The following ANK3 variants were observed in gnomAD, a reference collection of about 807,000 sequenced individuals.
ANK3 encodes ankyrin-3.
Under a neutral mutation model 370.9 loss-of-function variants are expected in ANK3, and 57 were observed. The observed-to-expected ratio is 0.15, with a 90% CI of 0.12 to 0.19. ANK3 has a LOEUF of 0.19. ANK3 is among the 10% of genes least tolerant of loss of function. The probability of loss-of-function intolerance (pLI) is 1.00; values close to 1 mark genes in which losing one functional copy is unlikely to be tolerated. For missense variants in ANK3, 4,439 were observed against 5,302.1 expected, an observed-to-expected ratio of 0.84 and a Z score of 5.06; for synonymous variants, 1,929 against 1,946.3, an observed-to-expected ratio of 0.99 and a Z score of 0.23.
chr10:60,256,683 C>A (rs1186754875), intron 7 of ANK3, among the ~76,000 whole-genome samples: 3 of 152,062 alleles, frequency 2.0e-5, no homozygotes, highest in African/African-American at 4.8e-5. Context: ...CCATGAGTAC[C>A]CCACATTTAG....
At chr10:60,059,754 G>C (rs1399689030) in intron 40 of ANK3, 2 of 1,613,976 alleles carry the variant, frequency 1.2e-6, no homozygotes, top group Admixed American at 3.3e-5. Context: ...AGGCATTTCT[G>C]TTAAAGGCAC....
At position 60,695,259 on chromosome 10, in the gene ANK3, G is replaced by A. The variant is rs559135482; in HGVS notation, c.57+38004C>T. On this transcript the variant is annotated intron_variant, in intron 1 of 43. Coordinates refer to the ANK3 transcript ENST00000373827. ...CACCCAGATTCATAAAGCAAGCCCTGAGTGACCTACAAAGAGACTTAGACT... is the reference window on the plus strand; with the variant it reads ...CACCCAGATTCATAAAGCAAGCCCTAAGTGACCTACAAAGAGACTTAGACT... 2.6e-5 allele frequency among the ~76,000 whole-genome samples: 4 copies of A among 152,036 alleles called. No individual in the cohort carries two copies. The South Asian group carries it at 6.2e-4, about 24-fold the overall frequency.
chr10:60,500,995 C>T (rs915054429), intron 2 of ANK3, among the ~76,000 whole-genome samples: 2 of 152,062 alleles, frequency 1.3e-5, no homozygotes, highest in African/African-American at 2.4e-5. Context: ...TTCTGCCTTC[C>T]AAGTCCTTAT....
At chr10:60,209,624 A>G (rs950343526) in intron 9 of ANK3, among the ~76,000 whole-genome samples, 1 of 152,308 alleles carries the variant, frequency 6.6e-6, no homozygotes, top group African/African-American at 2.4e-5. Context: ...AATTTCCCTC[A>G]AATATTTTAA....
chr10:60,034,037 T>C (rs7906905), intron 43 of ANK3, among the ~76,000 whole-genome samples: 85,483 of 151,042 alleles, frequency 0.57, 24,904 homozygotes, highest in Non-Finnish European at 0.64. Context: ...TCTTTGAGTA[T>C]AGATTCTGAT....
exon 1 of ANK3, chr10:60,733,386 G>T: frequency 8.3e-7 from 1 of 1,210,002 alleles, no homozygotes; most frequent in Non-Finnish European, 1.0e-6. Context: ...CGCTCCTCGG[G>T]CCTCCAAACG....
chr10:60,523,482 C>T (rs867566304), intron 2 of ANK3, among the ~76,000 whole-genome samples: 2 of 145,798 alleles, frequency 1.4e-5, no homozygotes, highest in South Asian at 4.4e-4. Context: ...TGAGTGAGAA[C>T]ATGCGGTGTT....
At chr10:60,033,375 T>G (rs1249594408) in intron 43 of ANK3, among the ~76,000 whole-genome samples, 3 of 151,450 alleles carry the variant, frequency 2.0e-5, no homozygotes, top group Non-Finnish European at 4.4e-5. Flanking sequence ...ATTGGCCGGG[T>G]GAGGTGGCAG....
At chr10:60,234,231 G>T (rs1484103901) in intron 8 of ANK3, among the ~76,000 whole-genome samples, 1 of 152,074 alleles carries the variant, frequency 6.6e-6, no homozygotes, top group African/African-American at 2.4e-5. Context: ...CAATTATTTT[G>T]GACATATACC....
intron 1 of ANK3, among the ~76,000 whole-genome samples, chr10:60,636,879 A>G (rs1240844634): frequency 6.6e-6 from 1 of 152,250 alleles, no homozygotes; most frequent in African/African-American, 2.4e-5. Flanking sequence ...AATGGTAAGC[A>G]GTTGAACTTT....
At chr10:60,503,079 T>C (rs2075846485) in intron 2 of ANK3, among the ~76,000 whole-genome samples, 1 of 152,182 alleles carries the variant, frequency 6.6e-6, no homozygotes, top group Non-Finnish European at 1.5e-5. Flanking sequence ...CATCCATTTA[T>C]ACTCTCATAC....
intron 28 of ANK3, among the ~76,000 whole-genome samples, chr10:60,105,251 A>G (rs996448103): frequency 1.3e-5 from 2 of 151,898 alleles, no homozygotes; most frequent in Non-Finnish European, 1.5e-5. Context: ...TGCGTCAAAC[A>G]CCTATTCTCA....
At chr10:60,091,755 G>A (rs547703693) in intron 28 of ANK3, among the ~76,000 whole-genome samples, 1 of 148,034 alleles carries the variant, frequency 6.8e-6, no homozygotes, top group South Asian at 2.1e-4. Context: ...TTTTTGAGAC[G>A]GAGTCTCGCT....
At chr10:60,722,198 G>C (rs2079873915) in intron 1 of ANK3, among the ~76,000 whole-genome samples, 1 of 151,984 alleles carries the variant, frequency 6.6e-6, no homozygotes, top group Non-Finnish European at 1.5e-5. Flanking sequence ...GGGCCGCAAA[G>C]AAATTTTAAT....
At position 60,074,104 on chromosome 10, in the gene ANK3, G is replaced by C; in HGVS notation, c.6777C>G (p.Gly2259=). The stretch of plus-strand genomic sequence containing the variant: ...CAATTCTTTCAGATGCACCTTCACC[G>C]CCTGGTGGAGAATGATAAACCATTC... ...TTRMVYHSPP[G]GEGASERIEE... Residue 2259 remains glycine, a synonymous_variant, in exon 37 of 44, where the codon GGC becomes GGG. Transcript: ENST00000280772. 2 of 1,613,930 alleles carry C rather than the reference G, an allele frequency of 1.2e-6. No homozygotes were observed. Among genetic ancestry groups the C allele is most frequent in the Non-Finnish European group, 1.7e-6 (2 of 1,179,944 alleles).
intron 1 of ANK3, among the ~76,000 whole-genome samples, chr10:60,668,992 CAA>C (rs113115246): frequency 7.0e-6 from 1 of 142,274 alleles, no homozygotes; most frequent in Admixed American, 7.0e-5. Context: ...GACTTCATCT[CAA>C]AAAAAAAAAA....
chr10:60,070,822 C>G lies in ANK3; in HGVS notation c.10059G>C (p.Lys3353Asn). 1 of 1,614,130 alleles carries G rather than the reference C, an allele frequency of 6.2e-7. No homozygotes were observed. The highest frequency in any genetic ancestry group is 8.5e-7 in the Non-Finnish European group (1 of 1,180,024). The stretch of plus-strand genomic sequence containing the variant: ...TTTCCAGTTCTTTCTGGTTGGAAGC[C>G]TTTTCAGCAGAAGCTTTGGGTTTTT... Reference protein sequence around the residue: ...QKEKPKASAEKASNQKELESN... With the variant: ...QKEKPKASAENASNQKELESN... The change falls in exon 37 of 44, where the codon AAG (lysine) becomes AAC (asparagine). Residue 3353 changes from lysine (K) to asparagine (N), a missense_variant. By Grantham distance (94) the Lys-to-Asn change is moderately conservative. Around this residue, in one of 13 missense-constraint regions of ANK3, gnomAD observed 1,601 missense variants for 1,731.7 expected, o/e 0.92. Coordinates refer to ENST00000280772, the MANE Select transcript of ANK3 (RefSeq NM_020987.5). The surrounding 1 kb of genome is among the most constrained non-coding windows in gnomAD (Gnocchi z 5.7).
chr10:60,704,441 G>A (rs982002515), intron 1 of ANK3, among the ~76,000 whole-genome samples: 1 of 151,994 alleles, frequency 6.6e-6, no homozygotes, highest in Non-Finnish European at 1.5e-5. Flanking sequence ...AATTCTGAAC[G>A]AAGTTTAGTG....
intron 40 of ANK3, chr10:60,059,780 G>T: frequency 6.2e-7 from 1 of 1,614,178 alleles, no homozygotes; most frequent in Non-Finnish European, 8.5e-7. Flanking sequence ...CTTCCAGTTT[G>T]CTGTCTTCTA....
Sources: allele counts gnomAD v4.1 joint callset (sites outside exome capture counted in the v4.1 genomes callset), GRCh38; gene constraint gnomAD v4.1.1; regional missense constraint gnomAD v4.1.1; non-coding constraint Gnocchi (gnomAD v3.1); transcripts MANE v1.5; gene names NCBI Gene and HGNC (gene_info 2026-07-23, HGNC 2026-07-21).